Variants in SUMF1 observed in about 807,000 individuals in gnomAD.
The protein encoded by SUMF1 is formylglycine-generating enzyme.
SUMF1 carries 48 observed loss-of-function variants against 47.6 expected under a neutral mutation model. That is an observed-to-expected ratio of 1.01 (90% CI 0.80 to 1.28). The LOEUF is 1.28. Ranked by LOEUF, SUMF1 falls within the 50% of genes most tolerant of loss-of-function variation. SUMF1 has a pLI of 0.00. For missense variants in SUMF1, 571 were observed against 485.4 expected (o/e 1.18, Z -1.66); for synonymous variants, 230 against 192.1 (o/e 1.20, Z -1.63).
chr3:4,443,926 C>T (rs981758099), intron 3 of SUMF1, among the ~76,000 whole-genome samples: 5 of 151,762 alleles, frequency 3.3e-5, no homozygotes, highest in Non-Finnish European at 7.4e-5. Flanking sequence ...AGAAAAATTT[C>T]CTGAAGTTTA....
rs1162664476 is a variant in SUMF1 at position 4,361,432 on chromosome 3, A to AC, written c.*711dup. 2 of 153,176 alleles carry AC rather than the reference A, an allele frequency of 1.3e-5. No homozygotes were observed. Among genetic ancestry groups the AC allele is most frequent in the Non-Finnish European group, 2.9e-5 (2 of 68,512 alleles). 9.5% of individuals were successfully genotyped at this position (153,176 alleles called of 1,614,324 possible). On this transcript the variant is annotated 3_prime_UTR_variant, in exon 9 of 9. Coordinates refer to ENST00000272902, the MANE Select transcript of SUMF1 (RefSeq NM_182760.4). Reference sequence around the variant, plus strand: ...TTAAAAGATAAAGCACAGTAGAGTCACCCCACAGACATTCCTATGTGTTCA... The same window carrying AC: ...TTAAAAGATAAAGCACAGTAGAGTCACCCCCACAGACATTCCTATGTGTTCA...
In SUMF1 at chr3:4,078,280, T is replaced by C. The variant is rs560579396; in HGVS notation, c.1015-9535A>G. Among the ~76,000 whole-genome samples the C allele has an allele frequency of 7.9e-5, 12 of 151,706 alleles. No individual in the cohort carries two copies. The South Asian group carries it at 2.5e-3, about 32-fold the overall frequency. ...CTGGCTTTCCAGACAATGAAAATAC[T>C]GGCTGGTGTGTTACCAGAGTAATGA... On this transcript the variant is annotated intron_variant and NMD_transcript_variant, in intron 8 of 12. Transcript: ENST00000448413.
intron 8 of SUMF1, among the ~76,000 whole-genome samples, chr3:4,171,393 G>A (rs773529315): frequency 2.0e-5 from 3 of 152,104 alleles, no homozygotes; most frequent in Admixed American, 6.5e-5. Context: ...TTGAGGTGGT[G>A]GTTAGCTAAC....
chr3:4,231,976 G>A (rs890144561), intron 8 of SUMF1, among the ~76,000 whole-genome samples: 2 of 152,100 alleles, frequency 1.3e-5, no homozygotes, highest in Non-Finnish European at 2.9e-5. Context: ...AGTATAGGTG[G>A]TATTGAAGAG....
At chr3:4,312,018 A>G (rs1265630922) in intron 8 of SUMF1, among the ~76,000 whole-genome samples, 1 of 152,232 alleles carries the variant, frequency 6.6e-6, no homozygotes, top group African/African-American at 2.4e-5. Context: ...TACAAATGTA[A>G]TGTTTTGAAA....
At chr3:4,097,452 C>G (rs1032133103) in intron 8 of SUMF1, among the ~76,000 whole-genome samples, 2 of 151,970 alleles carry the variant, frequency 1.3e-5, no homozygotes, top group Non-Finnish European at 2.9e-5. Context: ...ACTTGGGAGG[C>G]TGAGGCAGGA....
intron 8 of SUMF1, among the ~76,000 whole-genome samples, chr3:4,304,511 T>C (rs940999569): frequency 3.3e-5 from 5 of 152,176 alleles, no homozygotes; most frequent in Non-Finnish European, 7.3e-5. Flanking sequence ...ACCAAAGATT[T>C]TGAAGTGGAA....
intron 9 of SUMF1, among the ~76,000 whole-genome samples, chr3:4,047,643 G>A (rs186552174): frequency 3.9e-5 from 6 of 152,110 alleles, no homozygotes; most frequent in Admixed American, 1.3e-4. Context: ...CCATACTAAG[G>A]AGATGCACCT....
intron 8 of SUMF1, among the ~76,000 whole-genome samples, chr3:4,244,513 T>C (rs1307917500): frequency 6.6e-6 from 1 of 152,232 alleles, no homozygotes; most frequent in South Asian, 2.1e-4. Context: ...CCTTGGCTTA[T>C]GAAGCTTAGT....
At chr3:4,102,236 C>A (rs1366941878) in intron 8 of SUMF1, among the ~76,000 whole-genome samples, 1 of 152,088 alleles carries the variant, frequency 6.6e-6, no homozygotes, top group Non-Finnish European at 1.5e-5. Context: ...ATACAAAGAC[C>A]TGATTCTGAA....
chr3:4,114,084 A>C (rs1693369855), intron 8 of SUMF1, among the ~76,000 whole-genome samples: 1 of 152,126 alleles, frequency 6.6e-6, no homozygotes, highest in Non-Finnish European at 1.5e-5. Flanking sequence ...CTTGGGTAGA[A>C]GGTGGGAGAT....
At chr3:4,110,247 T>C (rs374250016) in intron 8 of SUMF1, among the ~76,000 whole-genome samples, 1 of 152,078 alleles carries the variant, frequency 6.6e-6, no homozygotes, top group Non-Finnish European at 1.5e-5. Context: ...CGGATATTGG[T>C]GAACAGCAGA....
chr3:4,319,830 A>G (rs1459131168), intron 8 of SUMF1, among the ~76,000 whole-genome samples: 1 of 152,214 alleles, frequency 6.6e-6, no homozygotes, highest in Non-Finnish European at 1.5e-5. Context: ...CAATAAAGAA[A>G]TGAGCTATCG....
At chr3:4,216,240 A>G (rs1367307836) in intron 8 of SUMF1, among the ~76,000 whole-genome samples, 1 of 152,194 alleles carries the variant, frequency 6.6e-6, no homozygotes, top group Non-Finnish European at 1.5e-5. Flanking sequence ...AACACCACAC[A>G]TCTACAACCA....
At chr3:4,425,358 T>G (rs1702035011) in intron 3 of SUMF1, among the ~76,000 whole-genome samples, 2 of 152,188 alleles carry the variant, frequency 1.3e-5, no homozygotes, top group African/African-American at 2.4e-5. Flanking sequence ...GTAAAGTGCT[T>G]AGAAAAGTAC....
chr3:4,294,429 T>C (rs1242226769), intron 8 of SUMF1, among the ~76,000 whole-genome samples: 1 of 152,066 alleles, frequency 6.6e-6, no homozygotes, highest in African/African-American at 2.4e-5. Context: ...CCAGGCATCA[T>C]AGTGTGTGCC....
At chr3:4,464,466 C>T (rs1055045769) in intron 1 of SUMF1, among the ~76,000 whole-genome samples, 1 of 151,890 alleles carries the variant, frequency 6.6e-6, no homozygotes, top group Admixed American at 6.6e-5. Flanking sequence ...AGTGTAAATG[C>T]CATGTGGGTA....
chr3:4,393,168 G>A (rs561060073), intron 7 of SUMF1, among the ~76,000 whole-genome samples: 5 of 152,218 alleles, frequency 3.3e-5, no homozygotes, highest in Admixed American at 3.3e-4. Context: ...AACTGCTACC[G>A]TGGGCTAGTC....
At chr3:4,337,480 T>G (rs922913267) in intron 8 of SUMF1, among the ~76,000 whole-genome samples, 1 of 152,256 alleles carries the variant, frequency 6.6e-6, no homozygotes, top group Non-Finnish European at 1.5e-5. Context: ...TCCAGACATA[T>G]TTAATGCTCC....
Sources: allele counts gnomAD v4.1 joint callset (sites outside exome capture counted in the v4.1 genomes callset), GRCh38; gene constraint gnomAD v4.1.1; transcripts MANE v1.5; gene names NCBI Gene and HGNC (gene_info 2026-07-23, HGNC 2026-07-21).